Variants in RARB observed in about 807,000 individuals in gnomAD.
The protein encoded by RARB is retinoic acid receptor beta.
Under a neutral mutation model 51.9 loss-of-function variants are expected in RARB, and 17 were observed. That is an observed-to-expected ratio of 0.33 (90% CI 0.22 to 0.49). RARB has a LOEUF of 0.49. RARB is among the 20% of genes least tolerant of loss of function. The pLI is 0.99. For synonymous variants in RARB, 215 were observed against 195.4 expected (o/e 1.10, Z -0.84); for missense variants, 369 against 550.8 (o/e 0.67, Z 3.30).
At chr3:24,917,091 GT>G (rs1159830529) in intron 2 of RARB, among the ~76,000 whole-genome samples, 2 of 152,066 alleles carry the variant, frequency 1.3e-5, no homozygotes, top group African/African-American at 4.8e-5. Flanking sequence ...TTCAACTTTT[GT>G]TTTTTAAAAA....
At chr3:25,385,378 G>T (rs1706762364) in intron 5 of RARB, among the ~76,000 whole-genome samples, 1 of 152,118 alleles carries the variant, frequency 6.6e-6, no homozygotes, top group Admixed American at 6.5e-5. Flanking sequence ...CATCAGCTCA[G>T]CTAAAGAGGA....
intron 2 of RARB, among the ~76,000 whole-genome samples, chr3:24,908,065 C>A (rs1209196153): frequency 2.0e-5 from 3 of 152,002 alleles, no homozygotes; most frequent in African/African-American, 4.8e-5. Flanking sequence ...GTATTCCTTT[C>A]CTGTTCCTAG....
At chr3:24,895,632 G>A (rs1477690593) in intron 2 of RARB, among the ~76,000 whole-genome samples, 1 of 139,292 alleles carries the variant, frequency 7.2e-6, no homozygotes, top group African/African-American at 2.7e-5. Flanking sequence ...TTTTTTCCTT[G>A]AGAAGGAGTC....
chr3:25,278,186 T>C (rs1030915849), intron 5 of RARB, among the ~76,000 whole-genome samples: 1 of 152,152 alleles, frequency 6.6e-6, no homozygotes, highest in African/African-American at 2.4e-5. Flanking sequence ...GTGTGGTGGT[T>C]GGCGGTACAT....
At chr3:25,429,678 T>C (rs1204220107) in intron 1 of RARB, among the ~76,000 whole-genome samples, 1 of 152,122 alleles carries the variant, frequency 6.6e-6, no homozygotes, top group African/African-American at 2.4e-5. Flanking sequence ...AAAAAAAATA[T>C]TGACTATTTT....
At chr3:25,316,639 C>T (rs1704432577) in intron 5 of RARB, among the ~76,000 whole-genome samples, 1 of 152,016 alleles carries the variant, frequency 6.6e-6, no homozygotes. Context: ...ATTTTATGGG[C>T]ATAAATTAGA....
chr3:25,230,765 C>T (rs375399601), intron 5 of RARB, among the ~76,000 whole-genome samples: 82 of 152,018 alleles, frequency 5.4e-4, no homozygotes, highest in African/African-American at 1.9e-3. Flanking sequence ...TGTCTTTAGA[C>T]TTCACTGTTA....
At chr3:24,897,261 C>T (rs566813445) in intron 2 of RARB, among the ~76,000 whole-genome samples, 153 of 152,010 alleles carry the variant, frequency 1.0e-3, no homozygotes, top group Non-Finnish European at 1.8e-3. Flanking sequence ...TGAACTTTGC[C>T]GAAAAACCTA....
intron 4 of RARB, among the ~76,000 whole-genome samples, chr3:25,577,201 G>A (rs1730222): frequency 0.38 from 57,714 of 151,946 alleles, 11,191 homozygotes; most frequent in African/African-American, 0.44. Flanking sequence ...CACACCCTCC[G>A]GTTCGCCCGC....
chr3:25,279,978 C>T (rs1387160142), intron 5 of RARB, among the ~76,000 whole-genome samples: 1 of 152,034 alleles, frequency 6.6e-6, no homozygotes, highest in African/African-American at 2.4e-5. Context: ...ATTTCTTCTC[C>T]TCACACATTG....
intron 2 of RARB, among the ~76,000 whole-genome samples, chr3:24,961,462 T>G (rs887740749): frequency 6.6e-6 from 1 of 152,244 alleles, no homozygotes; most frequent in Non-Finnish European, 1.5e-5. Context: ...AATTGGCTGT[T>G]CTCTGTATCT....
At chr3:25,260,256 C>G (rs1241838676) in intron 5 of RARB, among the ~76,000 whole-genome samples, 1 of 152,080 alleles carries the variant, frequency 6.6e-6, no homozygotes, top group Non-Finnish European at 1.5e-5. Flanking sequence ...TGTTCATAGA[C>G]AAGAAAGCTG....
intron 3 of RARB, among the ~76,000 whole-genome samples, chr3:25,526,311 T>A (rs1465996870): frequency 3.3e-5 from 5 of 152,186 alleles, no homozygotes; most frequent in African/African-American, 1.2e-4. Flanking sequence ...GTGGTGTTCT[T>A]GTAGCCCACC....
intron 5 of RARB, among the ~76,000 whole-genome samples, chr3:25,305,837 C>T (rs1038045983): frequency 6.6e-6 from 1 of 152,080 alleles, no homozygotes; most frequent in Non-Finnish European, 1.5e-5. Context: ...TGGTATAACT[C>T]AAGATTGAAG....
At chr3:24,997,703 A>G (rs1214972328) in intron 2 of RARB, among the ~76,000 whole-genome samples, 1 of 152,030 alleles carries the variant, frequency 6.6e-6, no homozygotes, top group Non-Finnish European at 1.5e-5. Context: ...TTTTTAATAT[A>G]ATTTATTAAA....
chr3:25,012,259 A>G (rs944704092), intron 2 of RARB, among the ~76,000 whole-genome samples: 3 of 152,118 alleles, frequency 2.0e-5, no homozygotes, highest in African/African-American at 7.2e-5. Flanking sequence ...TATTACTAAT[A>G]CGTAGGAAAG....
At chr3:25,510,846 A>G (rs76896722) in intron 3 of RARB, among the ~76,000 whole-genome samples, 2,284 of 152,310 alleles carry the variant, frequency 0.015, 66 homozygotes, top group African/African-American at 0.052. Context: ...TGATGCCAAT[A>G]CAGCCTTAAT....
At chr3:24,862,323 T>G (rs1392307874) in intron 2 of RARB, among the ~76,000 whole-genome samples, 1 of 152,158 alleles carries the variant, frequency 6.6e-6, no homozygotes, top group African/African-American at 2.4e-5. Context: ...ATTATATGAT[T>G]TTTCATCTTC....
chr3:25,199,172 T>A (rs1701328021), intron 5 of RARB, among the ~76,000 whole-genome samples: 1 of 152,084 alleles, frequency 6.6e-6, no homozygotes, highest in South Asian at 2.1e-4. Flanking sequence ...GAGGACATTA[T>A]GTTAAGTGAA....
Sources: allele counts gnomAD v4.1 joint callset (sites outside exome capture counted in the v4.1 genomes callset), GRCh38; gene constraint gnomAD v4.1.1; transcripts MANE v1.5; gene names NCBI Gene and HGNC (gene_info 2026-07-23, HGNC 2026-07-21).